The following P4HA2 variants were observed in gnomAD, a reference collection of about 807,000 sequenced individuals.
P4HA2 encodes prolyl 4-hydroxylase subunit alpha 2, also known as prolyl 4-hydroxylase subunit alpha-2.
Under a neutral mutation model 76.9 loss-of-function variants are expected in P4HA2, and 46 were observed. That is an observed-to-expected ratio of 0.60 (90% CI 0.47 to 0.76). The LOEUF (loss-of-function observed/expected upper bound fraction) is 0.76, where lower values mean the gene tolerates loss of function less well. Ranked by LOEUF, P4HA2 falls within the 30% of genes least tolerant of loss-of-function variation. The pLI, the probability that P4HA2 is intolerant of heterozygous loss-of-function variation, is 0.00. For synonymous variants in P4HA2, 243 were observed against 254.0 expected (o/e 0.96, Z 0.41); for missense variants, 583 against 669.4 (o/e 0.87, Z 1.42).
rs762187217 is a variant in P4HA2, at chr5:132,210,374, A to C, written c.619T>G (p.Ser207Ala). 2 of 1,613,966 alleles carry C rather than the reference A, an allele frequency of 1.2e-6. No individual in the cohort carries two copies. The highest frequency in any genetic ancestry group is 3.3e-5 in the Admixed American group (2 of 60,002). ...DAGEEATTTK[S>A]QVLDYLSYAV... ...TAGCTGAGGTAGTCCAGCACCTGTG[A>C]CTTGGTTGTGGTGGCCTCCTCCCCG... The change falls in exon 6 of 15, where the codon TCA (serine) becomes GCA (alanine). Residue 207 changes from serine (S) to alanine (A), a missense_variant. Transcript: ENST00000360568.
intron 1 of P4HA2, among the ~76,000 whole-genome samples, chr5:132,220,848 A>G (rs1754563473): frequency 6.6e-6 from 1 of 152,212 alleles, no homozygotes; most frequent in African/African-American, 2.4e-5. Context: ...TGACTTACCT[A>G]CCAAGAGCCT....
At chr5:132,216,184 A>AAAAAAAAAAC (rs1753864136) in intron 4 of P4HA2, among the ~76,000 whole-genome samples, 1 of 151,172 alleles carries the variant, frequency 6.6e-6, no homozygotes, top group Non-Finnish European at 1.5e-5. Flanking sequence ...AAAAAAAAAA[A>AAAAAAAAAAC]AAAGTCAGTG....
intron 8 of P4HA2, among the ~76,000 whole-genome samples, chr5:132,205,955 C>A (rs980283631): frequency 2.6e-5 from 4 of 152,196 alleles, no homozygotes; most frequent in African/African-American, 9.6e-5. Context: ...GCATTCCCCA[C>A]AGGCCAAGTT....
At chr5:132,196,202 G>A (rs905548899) in intron 12 of P4HA2, among the ~76,000 whole-genome samples, 1 of 152,110 alleles carries the variant, frequency 6.6e-6, no homozygotes, top group East Asian at 1.9e-4. Context: ...TATTTCCACA[G>A]GACACATACC....
chr5:132,198,806 C>T (rs3749756), intron 11 of P4HA2, 73 bp downstream of exon 11: 410,235 of 1,048,584 alleles, frequency 0.39, 86,864 homozygotes, highest in Non-Finnish European at 0.46. Flanking sequence ...GGCTGAAATG[C>T]TCCTAGAAGC....
At position 132,193,112 on chromosome 5, in the gene P4HA2, T is replaced by A. The variant is rs200109067; in HGVS notation, c.1532-32A>T. On this transcript the variant is annotated intron_variant, in intron 14 of 14. Coordinates refer to ENST00000360568, the MANE Select transcript of P4HA2 (RefSeq NM_001017974.2). ...AAAGAAAGCAAGCATGTTACAATCC[T>A]ATTGGTCAGTTTAGTAGCCTGAATG... 68 of 1,529,500 alleles carry A rather than the reference T, an allele frequency of 4.4e-5. No individual in the cohort carries two copies. In the South Asian group the frequency reaches 7.4e-4, roughly 17 times the overall value. The allele number at this position is 1,529,500 out of a possible 1,614,324, so 94.7% of individuals were successfully genotyped here.
At chr5:132,221,634 G>A (rs767414815) in intron 1 of P4HA2, among the ~76,000 whole-genome samples, 2 of 152,112 alleles carry the variant, frequency 1.3e-5, no homozygotes, top group Non-Finnish European at 2.9e-5. Flanking sequence ...TGCAAGAAAA[G>A]AGTCATACAT....
chr5:132,214,838 A>C (rs977153660), intron 4 of P4HA2, among the ~76,000 whole-genome samples: 1 of 152,178 alleles, frequency 6.6e-6, no homozygotes, highest in African/African-American at 2.4e-5. Context: ...CACAGCCTGA[A>C]GCGTGGGAGA....
chr5:132,215,398 G>A (rs1478537082), intron 4 of P4HA2, among the ~76,000 whole-genome samples: 1 of 152,192 alleles, frequency 6.6e-6, no homozygotes, highest in Non-Finnish European at 1.5e-5. Context: ...TTGGAGAGAG[G>A]AGGTCATCTG....
chr5:132,201,858 G>A (rs1314944300), intron 10 of P4HA2: 1 of 152,252 alleles, frequency 6.6e-6, no homozygotes, highest in Non-Finnish European at 1.5e-5. Flanking sequence ...AGCTAGCCAG[G>A]AAAGCAACAG....
intron 1 of P4HA2, among the ~76,000 whole-genome samples, chr5:132,225,067 A>AC (rs1336079366): frequency 6.6e-6 from 1 of 151,824 alleles, no homozygotes; most frequent in African/African-American, 2.4e-5. Context: ...AAAAAAAAAA[A>AC]AACTGTCTTT....
rs1195725149 is a variant in P4HA2 at position 132,198,434 on chromosome 5, C to T, written c.1306-54G>A. On this transcript the variant is annotated intron_variant, in intron 11 of 14. Transcript: ENST00000360568. Reference sequence around the variant, plus strand: ...TTTACAACAGGCTTCATCCACCACCCACAAGACTAGGACCAAAAGGGTCAG... The same window carrying T: ...TTTACAACAGGCTTCATCCACCACCTACAAGACTAGGACCAAAAGGGTCAG... 29 of 1,536,362 alleles carry T rather than the reference C, an allele frequency of 1.9e-5. No individual in the cohort carries two copies. Among genetic ancestry groups the T allele is most frequent in the Non-Finnish European group, 6.3e-6 (7 of 1,112,998 alleles).
chr5:132,206,539 A>T (rs1242526897), intron 8 of P4HA2, among the ~76,000 whole-genome samples: 2 of 152,184 alleles, frequency 1.3e-5, no homozygotes, highest in Admixed American at 6.5e-5. Flanking sequence ...ATCGAGCTAA[A>T]TCCTCCCTCC....
rs146808484 is a variant in P4HA2, at chr5:132,205,067, G to A, written c.1081-915C>T. 9.2e-5 allele frequency among the ~76,000 whole-genome samples: 14 copies of A among 152,346 alleles called. No homozygotes were observed. In the East Asian group the frequency reaches 2.3e-3, roughly 25 times the overall value. ...ATTGATGAGTGCCTACTTTGTGCCTGGCACTATGCTAGGTAACTGAGACAT... is the reference window on the plus strand; with the variant it reads ...ATTGATGAGTGCCTACTTTGTGCCTAGCACTATGCTAGGTAACTGAGACAT... On this transcript the variant is annotated intron_variant, in intron 8 of 14. Transcript: ENST00000360568.
intron 1 of P4HA2, among the ~76,000 whole-genome samples, chr5:132,226,299 G>A (rs549480333): frequency 3.3e-5 from 5 of 152,276 alleles, no homozygotes; most frequent in Admixed American, 1.3e-4. Context: ...AAGCTACAAC[G>A]TAACGGACTC....
intron 7 of P4HA2, 124 bp downstream of exon 7, chr5:132,209,014 A>G: frequency 2.9e-6 from 2 of 699,610 alleles, no homozygotes; most frequent in Non-Finnish European, 4.9e-6. Context: ...AGATGCCATG[A>G]AAAACTGGGG....
At chr5:132,203,523 C>G in intron 10 of P4HA2, 1 of 544,090 alleles carries the variant, frequency 1.8e-6, no homozygotes, top group Non-Finnish European at 3.3e-6. Context: ...TTGCAGCACA[C>G]TTGGGCACAC....
intron 5 of P4HA2, 22 bp from the exon 6 acceptor site, chr5:132,210,545 G>T (rs202003680): frequency 6.2e-7 from 1 of 1,613,434 alleles, no homozygotes; most frequent in Admixed American, 1.7e-5. Flanking sequence ...GAAGTAAATT[G>T]TCAGGCTCCA....
intron 1 of P4HA2, among the ~76,000 whole-genome samples, chr5:132,223,474 C>G (rs1002011467): frequency 1.5e-4 from 23 of 152,168 alleles, no homozygotes; most frequent in African/African-American, 5.6e-4. Flanking sequence ...TATTGGCCAG[C>G]TGGTCTTAAA....
Sources: gnomAD v4.1 joint callset for allele counts (sites outside exome capture counted in the v4.1 genomes callset) on GRCh38, gnomAD v4.1.1 for gene constraint, MANE v1.5 for transcripts, NCBI Gene and HGNC (gene_info 2026-07-23, HGNC 2026-07-21) for gene names.